ARHGAP31: variants seen among roughly 807,000 people sequenced by gnomAD.
ARHGAP31 encodes the protein Rho GTPase activating protein 31, also known as rho GTPase-activating protein 31.
A neutral mutation model predicts 113.9 loss-of-function variants in ARHGAP31; 34 were observed. That is an observed-to-expected ratio of 0.30 (90% CI 0.23 to 0.40). The LOEUF (loss-of-function observed/expected upper bound fraction) is 0.40. ARHGAP31 is among the 10% of genes least tolerant of loss of function. The pLI is 1.00. For missense variants in ARHGAP31, 1,548 were observed against 1,767.1 expected, an observed-to-expected ratio of 0.88 and a Z score of 2.22; for synonymous variants, 650 against 684.8, an observed-to-expected ratio of 0.95 and a Z score of 0.79.
chr3:119,338,058 C>T (rs142475158), intron 1 of ARHGAP31, among the ~76,000 whole-genome samples: 52 of 152,250 alleles, frequency 3.4e-4, no homozygotes, highest in African/African-American at 5.1e-4. Flanking sequence ...TTTTGAGGGA[C>T]GGTGAGTTTT....
At chr3:119,356,714 A>G (rs1466209158) in intron 1 of ARHGAP31, among the ~76,000 whole-genome samples, 1 of 151,978 alleles carries the variant, frequency 6.6e-6, no homozygotes, top group Non-Finnish European at 1.5e-5. Context: ...ATCTGAGACC[A>G]CTCTATGTCT....
intron 3 of ARHGAP31, 106 bp downstream of exon 3, chr3:119,368,622 A>C: frequency 7.1e-7 from 1 of 1,415,128 alleles, no homozygotes; most frequent in East Asian, 2.4e-5. Flanking sequence ...GATGGTTGAC[A>C]TTATCTTAGC....
chr3:119,362,585 T>C (rs900086876), intron 1 of ARHGAP31, among the ~76,000 whole-genome samples: 4 of 151,840 alleles, frequency 2.6e-5, no homozygotes, highest in Admixed American at 2.6e-4. Flanking sequence ...CTGGCGAACA[T>C]AGTGAAACCT....
rs2079516067 is a variant in ARHGAP31 at position 119,294,664 on chromosome 3, G to C, written c.-241G>C. The C allele has an allele frequency of 1.8e-6, 1 of 563,956 alleles. No individual in the cohort carries two copies. The highest frequency in any genetic ancestry group is 2.0e-5 in the African/African-American group (1 of 49,836). 34.9% of individuals were successfully genotyped at this position (563,956 alleles called of 1,614,324 possible). A position where few individuals can be genotyped will look rare whatever the true frequency, so the allele number is the denominator to read the frequency against. On this transcript the variant is annotated 5_prime_UTR_variant, in exon 1 of 12. Coordinates refer to ENST00000264245, the MANE Select transcript of ARHGAP31 (RefSeq NM_020754.4). The stretch of plus-strand genomic sequence containing the variant: ...ACACTCCCAGGCGAGCCGGCCCGCG[G>C]CTGCCAGTCTGCACGGCCTCGGCAC...
At chr3:119,411,655 C>T (rs544016066) in intron 11 of ARHGAP31, among the ~76,000 whole-genome samples, 53 of 152,212 alleles carry the variant, frequency 3.5e-4, no homozygotes, top group Non-Finnish European at 6.0e-4. Flanking sequence ...AAGCTGTCCC[C>T]GCTCCGAAGG....
chr3:119,328,763 C>G (rs959944671), intron 1 of ARHGAP31, among the ~76,000 whole-genome samples: 6 of 152,138 alleles, frequency 3.9e-5, no homozygotes, highest in Non-Finnish European at 8.8e-5. Context: ...GCCTCAGCCT[C>G]TGGAGTAGCT....
chr3:119,336,768 C>G (rs900108933), intron 1 of ARHGAP31, among the ~76,000 whole-genome samples: 1 of 152,074 alleles, frequency 6.6e-6, no homozygotes, highest in African/African-American at 2.4e-5. Flanking sequence ...TTTGCATCAC[C>G]CTCAAAAGAA....
chr3:119,390,124 G>A lies in ARHGAP31; in HGVS notation c.683-661G>A, dbSNP rs142258466. On this transcript the variant is annotated intron_variant, in intron 6 of 11. Transcript: ENST00000264245. ...AAAAGAGATAATCCTGTGCATCAGC[G>A]ATTGTCATCATCACTTCCATTCTTT... 2.3e-3 allele frequency among the ~76,000 whole-genome samples: 350 copies of A among 152,090 alleles called. 1 individual carries two copies. The highest frequency in any genetic ancestry group is 7.9e-3 in the African/African-American group (329 of 41,486).
intron 1 of ARHGAP31, among the ~76,000 whole-genome samples, chr3:119,305,186 T>C (rs2079620584): frequency 6.6e-6 from 1 of 152,168 alleles, no homozygotes; most frequent in Non-Finnish European, 1.5e-5. Flanking sequence ...CTTTGTCTGC[T>C]CTTGACCCAA....
chr3:119,402,143 C>T lies in ARHGAP31; in HGVS notation c.1391C>T (p.Ser464Phe), dbSNP rs771009878. The T allele has an allele frequency of 1.2e-6, 2 of 1,614,282 alleles. No homozygotes were observed. The highest frequency in any genetic ancestry group is 1.7e-6 in the Non-Finnish European group (2 of 1,180,056). ...FYTSNDSPSK[S>F]VFTSSLFQME... ...ACTTCGAACGACAGCCCTAGCAAAT[C>T]CGTCTTCACCAGCAGCCTCTTCCAG... Residue 464 changes from serine to phenylalanine, a missense_variant, in exon 10 of 12, where the codon TCC becomes TTC. By Grantham distance (155) the Ser-to-Phe change is radical. Coordinates refer to ENST00000264245, the MANE Select transcript of ARHGAP31 (RefSeq NM_020754.4).
chr3:119,375,287 C>T (rs1417504742), intron 3 of ARHGAP31, among the ~76,000 whole-genome samples: 1 of 152,160 alleles, frequency 6.6e-6, no homozygotes, highest in Non-Finnish European at 1.5e-5. Flanking sequence ...TCTCCAGAGG[C>T]TCTAGAGGAA....
At chr3:119,379,762 T>C (rs150028305) in intron 3 of ARHGAP31, among the ~76,000 whole-genome samples, 5 of 151,290 alleles carry the variant, frequency 3.3e-5, no homozygotes, top group African/African-American at 1.2e-4. Context: ...TGTATACATA[T>C]GAAAAAAACT....
chr3:119,334,702 A>C (rs534903846), intron 1 of ARHGAP31, among the ~76,000 whole-genome samples: 8 of 152,324 alleles, frequency 5.3e-5, no homozygotes, highest in Admixed American at 4.6e-4. Context: ...TTGAACAACG[A>C]AGTCCACGTT....
At chr3:119,333,301 A>C (rs1642943298) in intron 1 of ARHGAP31, among the ~76,000 whole-genome samples, 1 of 152,158 alleles carries the variant, frequency 6.6e-6, no homozygotes, top group African/African-American at 2.4e-5. Flanking sequence ...TAACTTTTTG[A>C]GAAGATATTT....
chr3:119,326,064 C>T (rs1159141183), intron 1 of ARHGAP31, among the ~76,000 whole-genome samples: 31 of 152,154 alleles, frequency 2.0e-4, no homozygotes, highest in African/African-American at 6.7e-4. Context: ...TGGTGGTGGG[C>T]GCCTGTAATC....
chr3:119,358,814 G>A (rs1006341926), intron 1 of ARHGAP31, among the ~76,000 whole-genome samples: 3 of 152,114 alleles, frequency 2.0e-5, no homozygotes, highest in Non-Finnish European at 2.9e-5. Flanking sequence ...ATAGAACGTT[G>A]ATTAGTGGCT....
chr3:119,330,040 A>G, intron 1 of ARHGAP31: 1 of 968,566 alleles, frequency 1.0e-6, no homozygotes, highest in African/African-American at 1.8e-5. Context: ...CATAAAACCA[A>G]CTAGTGTGGT....
rs915380557 is a variant in ARHGAP31, at chr3:119,366,052, T to G, written c.203+634T>G. 4.8e-4 allele frequency among the ~76,000 whole-genome samples: 73 copies of G among 152,246 alleles called. 1 individual carries two copies. The highest frequency in any genetic ancestry group is 1.7e-3 in the African/African-American group (72 of 41,564). ...CACATTAAATAAAGAGGGCAAAACA[T>G]TTTATACAAAACACAGGTACGTGTG... is the stretch of plus-strand genomic sequence containing the variant. On this transcript the variant is annotated intron_variant, in intron 2 of 11. Coordinates refer to ENST00000264245, the MANE Select transcript of ARHGAP31 (RefSeq NM_020754.4).
intron 1 of ARHGAP31, among the ~76,000 whole-genome samples, chr3:119,320,340 A>G (rs2079771749): frequency 6.6e-6 from 1 of 152,212 alleles, no homozygotes; most frequent in Admixed American, 6.5e-5. Context: ...TAGAAGAGGA[A>G]TAGGCCCCAA....
Sources: gnomAD v4.1 joint callset for allele counts (sites outside exome capture counted in the v4.1 genomes callset) on GRCh38, gnomAD v4.1.1 for gene constraint, MANE v1.5 for transcripts, NCBI Gene and HGNC (gene_info 2026-07-23, HGNC 2026-07-21) for gene names.